RALGAPA2: variants seen among roughly 807,000 people sequenced by gnomAD.
RALGAPA2 encodes Ral GTPase activating protein catalytic subunit alpha 2, also known as ral GTPase-activating protein subunit alpha-2.
A neutral mutation model predicts 230.4 loss-of-function variants in RALGAPA2; 139 were observed. The observed-to-expected ratio is 0.60, with a 90% confidence interval of 0.53 to 0.69. The LOEUF is 0.69. Ranked by LOEUF, RALGAPA2 falls within the 30% of genes least tolerant of loss-of-function variation. RALGAPA2 has a pLI of 0.00. For synonymous variants in RALGAPA2, 847 were observed against 837.8 expected, an observed-to-expected ratio of 1.01 and a Z score of -0.19; for missense variants, 2,163 against 2,276.0, an observed-to-expected ratio of 0.95 and a Z score of 1.01.
intron 24 of RALGAPA2, among the ~76,000 whole-genome samples, chr20:20,541,999 T>C (rs1403425945): frequency 1.3e-5 from 2 of 152,206 alleles, no homozygotes; most frequent in Admixed American, 6.5e-5. Context: ...TGATTGTATA[T>C]TTAGAAAACC....
chr20:20,646,091 G>A (rs1194523278), intron 4 of RALGAPA2, among the ~76,000 whole-genome samples: 1 of 150,900 alleles, frequency 6.6e-6, no homozygotes, highest in Non-Finnish European at 1.5e-5. Context: ...GTCTCACTCT[G>A]TAGCCTAAAC....
rs182838974 is a variant in RALGAPA2, at chr20:20,653,952, C to T, written c.271-365G>A. On this transcript the variant is annotated intron_variant, in intron 3 of 39. Transcript: ENST00000202677. ...GTTTCTTCTTTTTCACCATCTCCTTCCCATTTTCATTATAATCACTATTAG... is the reference window on the plus strand; with the variant it reads ...GTTTCTTCTTTTTCACCATCTCCTTTCCATTTTCATTATAATCACTATTAG... Among the ~76,000 whole-genome samples, 561 of 152,278 alleles carry T rather than the reference C, an allele frequency of 3.7e-3. 1 individual carries two copies. Among genetic ancestry groups the T allele is most frequent in the Non-Finnish European group, 5.4e-3 (368 of 68,014 alleles).
chr20:20,583,218 T>C lies in RALGAPA2; in HGVS notation c.2539A>G (p.Thr847Ala), dbSNP rs764146441. ...CAGCCCAGAGTTGTGTCACTGTTGG[T>C]ACTTTCACCTGGTACAATGGAAGAA... ...KCRERQKSES[T>A]NSDTTLGCTN... Residue 847 changes from threonine (T) to alanine (A), a missense_variant, in exon 20 of 40, where the codon ACC (threonine) becomes GCC (alanine). Coordinates refer to ENST00000202677, the MANE Select transcript of RALGAPA2 (RefSeq NM_020343.4). The C allele has an allele frequency of 1.7e-5, 27 of 1,602,518 alleles. No homozygotes were observed. Among genetic ancestry groups the C allele is most frequent in the Non-Finnish European group, 2.1e-5 (25 of 1,175,790 alleles).
chr20:20,569,788 C>G lies in RALGAPA2; in HGVS notation c.3156+1670G>C, dbSNP rs187226044. 2.6e-5 allele frequency among the ~76,000 whole-genome samples: 4 copies of G among 152,112 alleles called. No homozygotes were observed. The East Asian group carries it at 7.7e-4, about 29-fold the overall frequency. On this transcript the variant is annotated intron_variant, in intron 23 of 39. Transcript: ENST00000202677. ...TATGTGACTTTCTAAAAAATTCATT[C>G]TAAGGAACATTGTTTACTGCTAACT...
At chr20:20,539,677 T>C (rs1222989453) in intron 24 of RALGAPA2, among the ~76,000 whole-genome samples, 1 of 152,214 alleles carries the variant, frequency 6.6e-6, no homozygotes, top group African/African-American at 2.4e-5. Flanking sequence ...TATAGTATTA[T>C]TAATTATAGT....
intron 24 of RALGAPA2, 64 bp downstream of exon 24, chr20:20,546,640 C>G: frequency 5.3e-6 from 8 of 1,505,002 alleles, no homozygotes; most frequent in Non-Finnish European, 7.1e-6. Flanking sequence ...GTGGAGAAAT[C>G]TGAACCTTGT....
chr20:20,601,211 C>T lies in RALGAPA2; in HGVS notation c.2203+471G>A, dbSNP rs571694131. Among the ~76,000 whole-genome samples the T allele has an allele frequency of 6.0e-4, 92 of 152,270 alleles. 1 individual carries two copies. The highest frequency in any genetic ancestry group is 6.8e-3 in the Middle Eastern group (2 of 294). On this transcript the variant is annotated intron_variant, in intron 16 of 39. Coordinates refer to ENST00000202677, the MANE Select transcript of RALGAPA2 (RefSeq NM_020343.4). ...GTTGGTCAAGTTGTTAACTGAAATA[C>T]GCTGCAAAGATAACATCCACAGGCA...
intron 7 of RALGAPA2, among the ~76,000 whole-genome samples, 197 bp downstream of exon 7, chr20:20,639,588 A>G (rs2066964636): frequency 6.6e-6 from 1 of 152,198 alleles, no homozygotes; most frequent in South Asian, 2.1e-4. Context: ...CACACTCACA[A>G]AATAGTACAT....
intron 1 of RALGAPA2, among the ~76,000 whole-genome samples, chr20:20,686,403 G>A (rs1376974308): frequency 6.6e-6 from 1 of 152,034 alleles, no homozygotes; most frequent in Non-Finnish European, 1.5e-5. Flanking sequence ...AAAATTAGCT[G>A]GGTATGGTGG....
intron 36 of RALGAPA2, among the ~76,000 whole-genome samples, chr20:20,482,458 T>A (rs1482780074): frequency 3.3e-5 from 5 of 152,038 alleles, no homozygotes; most frequent in Non-Finnish European, 7.4e-5. Context: ...TTGGCAGAGA[T>A]TCACGGTGGG....
intron 37 of RALGAPA2, among the ~76,000 whole-genome samples, chr20:20,446,089 T>C (rs187644503): frequency 1.3e-5 from 2 of 152,260 alleles, no homozygotes; most frequent in Non-Finnish European, 2.9e-5. Context: ...CTGTGGTTAG[T>C]AAAATCTTAT....
chr20:20,396,626 G>C (rs1253835222), intron 39 of RALGAPA2, 69 bp downstream of exon 39: 1 of 1,423,450 alleles, frequency 7.0e-7, no homozygotes, highest in South Asian at 1.3e-5. Flanking sequence ...GAGGGCAGCC[G>C]ATTAGAAAAG....
intron 24 of RALGAPA2, among the ~76,000 whole-genome samples, chr20:20,544,338 CAAA>C (rs78312536): frequency 4.5e-5 from 4 of 89,368 alleles, no homozygotes; most frequent in Admixed American, 1.2e-4. Flanking sequence ...GACTCTGTCT[CAAA>C]AAAAAAAAAA....
rs11480610 is a variant in RALGAPA2, at chr20:20,427,785, A to ATT, written c.5496-15639_5496-15638dup. On this transcript the variant is annotated intron_variant, in intron 37 of 39. Transcript: ENST00000202677. ...GGATGGATTGTGCAAGGGAAAAAAG[A>ATT]TTTTTTTTTTTTGTAAGGGGTGTTT... is the stretch of plus-strand genomic sequence containing the variant. Among the ~76,000 whole-genome samples the ATT allele has an allele frequency of 1.3e-3, 199 of 148,692 alleles. 1 individual carries two copies. The highest frequency in any genetic ancestry group is 2.1e-3 in the African/African-American group (87 of 40,498).
rs562033753 is a variant in RALGAPA2 at position 20,549,769 on chromosome 20, C to T, written c.3157-2937G>A. Among the ~76,000 whole-genome samples the T allele has an allele frequency of 3.3e-5, 5 of 152,250 alleles. No homozygotes were observed. In the East Asian group the frequency reaches 5.8e-4, roughly 18 times the overall value. On this transcript the variant is annotated intron_variant, in intron 23 of 39. Coordinates refer to ENST00000202677, the MANE Select transcript of RALGAPA2 (RefSeq NM_020343.4). The stretch of plus-strand genomic sequence containing the variant: ...TAACTCAGTAGAATCCTTCTTTCAC[C>T]ATCCCCACCATACATTAAGACACAG...
intron 24 of RALGAPA2, among the ~76,000 whole-genome samples, chr20:20,540,810 T>A (rs1045649863): frequency 3.9e-5 from 6 of 151,958 alleles, no homozygotes; most frequent in Non-Finnish European, 5.9e-5. Context: ...ATATACAACA[T>A]AATGTTTTGA....
chr20:20,567,375 C>G (rs554739612), intron 23 of RALGAPA2, among the ~76,000 whole-genome samples: 163 of 152,230 alleles, frequency 1.1e-3, no homozygotes, highest in Non-Finnish European at 1.5e-3. Flanking sequence ...CTGAGAACAA[C>G]AAGAAACAGC....
At chr20:20,608,816 A>G (rs1287178573) in intron 14 of RALGAPA2, among the ~76,000 whole-genome samples, 7 of 152,298 alleles carry the variant, frequency 4.6e-5, no homozygotes, top group African/African-American at 1.4e-4. Context: ...GATTCTCATG[A>G]CAACCCTGCA....
At chr20:20,511,825 C>T (rs1052644839) in intron 32 of RALGAPA2, among the ~76,000 whole-genome samples, 2 of 152,222 alleles carry the variant, frequency 1.3e-5, no homozygotes, top group Non-Finnish European at 2.9e-5. Context: ...TAGACTGTGG[C>T]TTATTCACCT....
Sources: gnomAD v4.1 joint callset for allele counts (sites outside exome capture counted in the v4.1 genomes callset) on GRCh38, gnomAD v4.1.1 for gene constraint, MANE v1.5 for transcripts, NCBI Gene and HGNC (gene_info 2026-07-23, HGNC 2026-07-21) for gene names.